ARK2C: variants seen among roughly 807,000 people sequenced by gnomAD.
ARK2C encodes E3 ubiquitin-protein ligase ARK2C.
At chr18:46,414,703 C>T in the ARK2C span, among the ~76,000 whole-genome samples, 295 of 152,314 alleles carry the variant, frequency 1.9e-3, no homozygotes, top group African/African-American at 6.9e-3. Flanking sequence ...CACATACACA[C>T]AGCCTTGAGA....
chr18:46,431,070 T>G, the ARK2C span, among the ~76,000 whole-genome samples: 1 of 152,064 alleles, frequency 6.6e-6, no homozygotes, highest in Non-Finnish European at 1.5e-5. Context: ...CAGGCCCCGG[T>G]GTGTGATGTT....
chr18:46,435,160 T>C, the ARK2C span: 1 of 687,838 alleles, frequency 1.5e-6, no homozygotes, highest in Non-Finnish European at 2.6e-6. Flanking sequence ...CAGTGCTTGC[T>C]AGACTGTGGG....
chr18:46,368,161 C>T, the ARK2C span, among the ~76,000 whole-genome samples: 3,956 of 152,334 alleles, frequency 0.026, 69 homozygotes, highest in East Asian at 0.045. Flanking sequence ...CTCCATGAGA[C>T]TTTGTGCTTG....
At chr18:46,444,511 C>T in the ARK2C span, among the ~76,000 whole-genome samples, 1 of 152,046 alleles carries the variant, frequency 6.6e-6, no homozygotes, top group Non-Finnish European at 1.5e-5. Context: ...GTCACCTAGG[C>T]AGAAGTGCAG....
the ARK2C span, among the ~76,000 whole-genome samples, chr18:46,345,708 G>A: frequency 6.6e-6 from 1 of 152,348 alleles, no homozygotes; most frequent in South Asian, 2.1e-4. Flanking sequence ...AACTAAACAA[G>A]CAACTCTTCT....
the ARK2C span, among the ~76,000 whole-genome samples, chr18:46,396,071 G>A: frequency 6.6e-6 from 1 of 152,208 alleles, no homozygotes; most frequent in Non-Finnish European, 1.5e-5. Context: ...ACATAGCAAA[G>A]GCAGGAATCT....
At chr18:46,417,141 A>G in the ARK2C span, among the ~76,000 whole-genome samples, 1 of 152,192 alleles carries the variant, frequency 6.6e-6, no homozygotes, top group Non-Finnish European at 1.5e-5. Context: ...CCTTGAAATG[A>G]AATATATTTT....
the ARK2C span, among the ~76,000 whole-genome samples, chr18:46,397,532 G>A: frequency 3.2e-3 from 449 of 140,448 alleles, 9 homozygotes; most frequent in African/African-American, 0.012. Flanking sequence ...GAGGTGGTGT[G>A]TGTGTGGGGT....
At chr18:46,443,022 T>C in the ARK2C span, among the ~76,000 whole-genome samples, 1 of 152,236 alleles carries the variant, frequency 6.6e-6, no homozygotes, top group Non-Finnish European at 1.5e-5. Context: ...TGTAACCTAG[T>C]ATCTACATAT....
the ARK2C span, chr18:46,435,418 G>C: frequency 1.3e-6 from 2 of 1,488,864 alleles, no homozygotes; most frequent in Non-Finnish European, 9.4e-7. Context: ...GGGCCCCTGG[G>C]GGAGGAAGGG....
the ARK2C span, among the ~76,000 whole-genome samples, chr18:46,451,190 T>A: frequency 1.3e-5 from 2 of 152,238 alleles, no homozygotes; most frequent in East Asian, 3.9e-4. Context: ...ATGTCCAATC[T>A]CACATGTGAA....
the ARK2C span, among the ~76,000 whole-genome samples, chr18:46,449,660 T>C: frequency 6.6e-6 from 1 of 152,172 alleles, no homozygotes. Flanking sequence ...TCTCATAAGA[T>C]CTGATGGTTT....
the ARK2C span, among the ~76,000 whole-genome samples, chr18:46,417,651 T>C: frequency 1.3e-5 from 2 of 152,244 alleles, no homozygotes; most frequent in Non-Finnish European, 2.9e-5. Context: ...TCATCATCAA[T>C]ACATGACATA....
the ARK2C span, among the ~76,000 whole-genome samples, chr18:46,412,211 C>T: frequency 6.6e-6 from 1 of 152,224 alleles, no homozygotes; most frequent in Non-Finnish European, 1.5e-5. Context: ...GGCAACTGCC[C>T]ACAAATCCTG....
At chr18:46,359,206 C>T in the ARK2C span, among the ~76,000 whole-genome samples, 2 of 152,222 alleles carry the variant, frequency 1.3e-5, no homozygotes, top group South Asian at 4.1e-4. Context: ...TGCATGATGC[C>T]AGGCCCAGGG....
At chr18:46,433,135 T>C in the ARK2C span, 426 of 1,397,368 alleles carry the variant, frequency 3.0e-4, 1 homozygote, top group Middle Eastern at 2.4e-3. Flanking sequence ...CAAGGGTCAG[T>C]GTGGCGGCCG....
At chr18:46,352,702 A>T in the ARK2C span, among the ~76,000 whole-genome samples, 2 of 152,190 alleles carry the variant, frequency 1.3e-5, no homozygotes, top group African/African-American at 4.8e-5. Context: ...ACAGCACTGC[A>T]CAAGCCACCC....
chr18:46,429,643 T>C, the ARK2C span, among the ~76,000 whole-genome samples: 2 of 152,256 alleles, frequency 1.3e-5, no homozygotes, highest in African/African-American at 4.8e-5. Flanking sequence ...ACTTTTTCTT[T>C]TCCTGGTCAT....
chr18:46,403,596 G>C, the ARK2C span, among the ~76,000 whole-genome samples: 2 of 152,120 alleles, frequency 1.3e-5, no homozygotes, highest in South Asian at 4.1e-4. Flanking sequence ...AATCAGATCC[G>C]GCTGGGTGCA....
Sources: gnomAD v4.1 joint callset for allele counts (sites outside exome capture counted in the v4.1 genomes callset) on GRCh38, gnomAD v4.1.1 for gene constraint, MANE v1.5 for transcripts, NCBI Gene and HGNC (gene_info 2026-07-23, HGNC 2026-07-21) for gene names.